ANK2: variants seen among roughly 807,000 people sequenced by gnomAD.
ANK2 encodes the protein ankyrin 2, also known as ankyrin-2.
A neutral mutation model predicts 360.5 loss-of-function variants in ANK2; 83 were observed. That is an observed-to-expected ratio of 0.23 (90% confidence interval 0.19 to 0.28). ANK2 has a LOEUF of 0.28. Ranked by LOEUF, ANK2 falls within the 10% of genes least tolerant of loss-of-function variation. ANK2 has a pLI of 1.00. For synonymous variants in ANK2, 1,740 were observed against 1,759.5 expected, an observed-to-expected ratio of 0.99 and a Z score of 0.28; for missense variants, 4,201 against 4,795.7, an observed-to-expected ratio of 0.88 and a Z score of 3.66.
chr4:112,911,904 G>T (rs2087610153), intron 2 of ANK2, among the ~76,000 whole-genome samples: 1 of 152,194 alleles, frequency 6.6e-6, no homozygotes, highest in Non-Finnish European at 1.5e-5. Flanking sequence ...TGGGCCAGGC[G>T]TGGTGGCTCA....
chr4:112,845,206 T>A (rs1003319510), intron 1 of ANK2, among the ~76,000 whole-genome samples: 1 of 152,146 alleles, frequency 6.6e-6, no homozygotes, highest in Non-Finnish European at 1.5e-5. Context: ...AGTAAAAGAA[T>A]GTGGAGTAAT....
chr4:112,816,547 ATAT>A (rs538543436), upstream of ANK2, among the ~76,000 whole-genome samples: 35 of 152,240 alleles, frequency 2.3e-4, no homozygotes, highest in African/African-American at 8.2e-4. Context: ...TCAAATAATG[ATAT>A]TATAGCCTTA....
intron 4 of ANK2, among the ~76,000 whole-genome samples, chr4:113,217,620 G>T (rs893143889): frequency 1.3e-5 from 2 of 152,140 alleles, no homozygotes; most frequent in Non-Finnish European, 2.9e-5. Context: ...TTCACAGGCA[G>T]TTCATGAGAG....
chr4:113,350,365 T>G, intron 37 of ANK2, 116 bp downstream of exon 37: 1 of 814,424 alleles, frequency 1.2e-6, no homozygotes, highest in Non-Finnish European at 1.9e-6. Context: ...CATTTTTATA[T>G]TATCCTTATT....
chr4:112,919,168 T>C (rs2090783342), intron 2 of ANK2, among the ~76,000 whole-genome samples: 1 of 152,174 alleles, frequency 6.6e-6, no homozygotes, highest in South Asian at 2.1e-4. Context: ...TATTGACAAT[T>C]GGCAATAGCA....
chr4:113,103,977 A>G (rs2093299936), intron 1 of ANK2, among the ~76,000 whole-genome samples: 1 of 152,212 alleles, frequency 6.6e-6, no homozygotes, highest in Non-Finnish European at 1.5e-5. Flanking sequence ...GAAGACAGAC[A>G]AAATCCTGAC....
intron 1 of ANK2, among the ~76,000 whole-genome samples, chr4:113,124,818 T>C (rs1487930235): frequency 6.6e-6 from 1 of 152,056 alleles, no homozygotes; most frequent in African/African-American, 2.4e-5. Context: ...CAGAAAACAA[T>C]GTAAGTAGTA....
intron 1 of ANK2, among the ~76,000 whole-genome samples, chr4:113,111,198 C>T (rs942597639): frequency 6.6e-6 from 1 of 152,066 alleles, no homozygotes; most frequent in South Asian, 2.1e-4. Context: ...TAGGAGAAAT[C>T]AATCTTTTTC....
At chr4:113,145,583 A>G (rs2096797986) in intron 1 of ANK2, 1 of 1,041,224 alleles carries the variant, frequency 9.6e-7, no homozygotes, top group Non-Finnish European at 1.2e-6. Context: ...CCCTCACTCC[A>G]TTGACATGCA....
intron 1 of ANK2, among the ~76,000 whole-genome samples, chr4:112,847,899 C>T (rs1255783515): frequency 6.6e-6 from 1 of 152,082 alleles, no homozygotes; most frequent in Non-Finnish European, 1.5e-5. Context: ...CATCATCTTC[C>T]CTGTTCTAGT....
upstream of ANK2, among the ~76,000 whole-genome samples, chr4:113,046,893 C>T (rs1408866299): frequency 3.3e-5 from 5 of 152,166 alleles, no homozygotes; most frequent in African/African-American, 1.2e-4. Flanking sequence ...GTTACTAATT[C>T]ATAAACTGTT....
the ANK2 span, among the ~76,000 whole-genome samples, chr4:112,725,572 C>T: frequency 6.6e-6 from 1 of 151,802 alleles, no homozygotes; most frequent in Non-Finnish European, 1.5e-5. Flanking sequence ...GTTGGCTAGG[C>T]TGGTCTTGAA....
upstream of ANK2, among the ~76,000 whole-genome samples, chr4:112,813,630 G>T (rs565115129): frequency 4.6e-5 from 7 of 152,152 alleles, no homozygotes; most frequent in East Asian, 1.4e-3. Flanking sequence ...CGACCTCCCA[G>T]GCTCAACCCA....
chr4:113,290,015 A>G (rs1449388045), intron 20 of ANK2, among the ~76,000 whole-genome samples: 2 of 152,198 alleles, frequency 1.3e-5, no homozygotes, highest in Admixed American at 1.3e-4. Context: ...AATGCTTATC[A>G]TATTTTTAAA....
intron 19 of ANK2, 137 bp from the exon 20 acceptor site, chr4:113,288,251 T>A: frequency 1.3e-6 from 1 of 761,762 alleles, no homozygotes; most frequent in Non-Finnish European, 2.1e-6. Context: ...ATATATAATC[T>A]GCTAAATAAT....
the ANK2 span, among the ~76,000 whole-genome samples, chr4:112,721,602 C>T: frequency 7.6e-5 from 11 of 144,858 alleles, no homozygotes; most frequent in African/African-American, 2.8e-4. Flanking sequence ...GGCACTGTCT[C>T]TACACGCCTG....
intron 1 of ANK2, chr4:113,069,836 T>C (rs1252638759): frequency 6.6e-6 from 1 of 152,218 alleles, no homozygotes; most frequent in Non-Finnish European, 1.5e-5. Context: ...CAACCAGTAG[T>C]GCTGCTGCCG....
chr4:112,863,712 C>T (rs1021846379), intron 1 of ANK2, among the ~76,000 whole-genome samples: 5 of 151,648 alleles, frequency 3.3e-5, no homozygotes, highest in Non-Finnish European at 7.4e-5. Flanking sequence ...TTAGTAGAGA[C>T]GGGGTTGCAC....
the ANK2 span, among the ~76,000 whole-genome samples, chr4:112,727,554 C>T: frequency 6.6e-6 from 1 of 151,090 alleles, no homozygotes; most frequent in East Asian, 1.9e-4. Context: ...TCAATGAAAC[C>T]AAGGGTTGGT....
Sources: gnomAD v4.1 joint callset for allele counts (sites outside exome capture counted in the v4.1 genomes callset) on GRCh38, gnomAD v4.1.1 for gene constraint, MANE v1.5 for transcripts, NCBI Gene and HGNC (gene_info 2026-07-23, HGNC 2026-07-21) for gene names.